The following SLC25A33 variants were observed in gnomAD, a reference collection of about 807,000 sequenced individuals.
SLC25A33 encodes the protein solute carrier family 25 member 33, also known as bone marrow stromal cell mitochondrial carrier protein.
SLC25A33 carries 15 observed loss-of-function variants against 35.5 expected under a neutral mutation model. That is an observed-to-expected ratio of 0.42 (90% CI 0.28 to 0.65). The LOEUF (loss-of-function observed/expected upper bound fraction) is 0.65. SLC25A33 is among the 30% of genes least tolerant of loss of function. SLC25A33 has a pLI of 0.20. For synonymous variants in SLC25A33, 136 were observed against 148.7 expected, an observed-to-expected ratio of 0.91 and a Z score of 0.62; for missense variants, 257 against 398.5, an observed-to-expected ratio of 0.64 and a Z score of 3.02.
At chr1:9,558,441 C>A (rs540508694) in intron 2 of SLC25A33, among the ~76,000 whole-genome samples, 1 of 152,334 alleles carries the variant, frequency 6.6e-6, no homozygotes, top group East Asian at 1.9e-4. Context: ...TAAATACCAT[C>A]TGTAAGCTGG....
chr1:9,539,947 C>A (rs998475709), intron 1 of SLC25A33, among the ~76,000 whole-genome samples, 200 bp downstream of exon 1: 1 of 152,136 alleles, frequency 6.6e-6, no homozygotes, highest in Non-Finnish European at 1.5e-5. Context: ...ACCCCTACGT[C>A]CTGACCGCAG....
At chr1:9,563,745 C>G (rs1356314338) in intron 2 of SLC25A33, among the ~76,000 whole-genome samples, 2 of 151,774 alleles carry the variant, frequency 1.3e-5, no homozygotes, top group African/African-American at 2.4e-5. Flanking sequence ...GAGTCCTGCT[C>G]TGTTGCCCGG....
intron 5 of SLC25A33, among the ~76,000 whole-genome samples, chr1:9,577,278 T>A (rs1643674099): frequency 6.6e-6 from 1 of 152,018 alleles, no homozygotes; most frequent in Non-Finnish European, 1.5e-5. Context: ...GCCAACATGG[T>A]GAAACCCTGT....
At position 9,580,015 on chromosome 1, in the gene SLC25A33, G is replaced by A. The variant is rs1409700515; in HGVS notation, c.544G>A (p.Gly182Ser). 1 of 1,613,374 alleles carries A rather than the reference G, an allele frequency of 6.2e-7. No individual in the cohort carries two copies. The highest frequency in any genetic ancestry group is 8.5e-7 in the Non-Finnish European group (1 of 1,179,742). The change falls in exon 6 of 7, where the codon GGC (glycine) becomes AGC (serine). Residue 182 changes from glycine to serine, a missense_variant. Gly to Ser is a moderately conservative substitution (Grantham distance 56). Transcript: ENST00000302692. ...QCARYVYQTEGIRGFYRGLTA... is the reference protein window; with the variant it reads ...QCARYVYQTESIRGFYRGLTA... The stretch of plus-strand genomic sequence containing the variant: ...TGCTCGTTACGTTTACCAGACCGAA[G>A]GCATTCGTGGCTTCTATAGAGGATT...
chr1:9,573,336 T>G lies in SLC25A33; in HGVS notation c.416-10T>G. 2 of 1,599,410 alleles carry G rather than the reference T, an allele frequency of 1.3e-6. No individual in the cohort carries two copies. The highest frequency in any genetic ancestry group is 1.7e-6 in the Non-Finnish European group (2 of 1,170,986). On this transcript the variant is annotated splice_polypyrimidine_tract_variant and intron_variant, in intron 4 of 6. Transcript: ENST00000302692. ...ACAGTGTTGACCTTTACTGTTTTTT[T>G]TTTTTCCAGCTTTTATCACAAATTC...
chr1:9,575,435 T>C (rs566348695), intron 5 of SLC25A33, among the ~76,000 whole-genome samples: 6 of 150,696 alleles, frequency 4.0e-5, no homozygotes, highest in African/African-American at 1.5e-4. Flanking sequence ...GCCAACATGG[T>C]GAAACCCCGT....
intron 1 of SLC25A33, among the ~76,000 whole-genome samples, chr1:9,547,370 C>T (rs189700509): frequency 6.6e-6 from 1 of 152,086 alleles, no homozygotes; most frequent in East Asian, 1.9e-4. Flanking sequence ...AGGAGAATTG[C>T]TTGAACCCAG....
intron 2 of SLC25A33, among the ~76,000 whole-genome samples, chr1:9,557,911 GAA>G (rs905829229): frequency 8.5e-5 from 13 of 152,206 alleles, no homozygotes; most frequent in African/African-American, 3.1e-4. Flanking sequence ...TCAAAAAAAA[GAA>G]AGATTCTCTC....
At chr1:9,551,807 AG>A (rs1218429746) in intron 1 of SLC25A33, among the ~76,000 whole-genome samples, 3 of 152,166 alleles carry the variant, frequency 2.0e-5, no homozygotes, top group Admixed American at 2.0e-4. Flanking sequence ...CCCTGATGCC[AG>A]GGATGGAAAG....
At position 9,580,022 on chromosome 1, in the gene SLC25A33, G is replaced by T. The variant is rs758554064; in HGVS notation, c.551G>T (p.Arg184Leu). ...ARYVYQTEGIRGFYRGLTASY... is the reference protein window; with the variant it reads ...ARYVYQTEGILGFYRGLTASY... Reference sequence around the variant, plus strand: ...TACGTTTACCAGACCGAAGGCATTCGTGGCTTCTATAGAGGATTAACTGCC... The same window carrying T: ...TACGTTTACCAGACCGAAGGCATTCTTGGCTTCTATAGAGGATTAACTGCC... Residue 184 changes from arginine (R) to leucine (L), a missense_variant, in exon 6 of 7, where the codon CGT (arginine) becomes CTT (leucine). By Grantham distance (102) the Arg-to-Leu change is moderately radical. Transcript: ENST00000302692. 1.2e-6 allele frequency: 2 copies of T among 1,613,346 alleles called. No homozygotes were observed. The highest frequency in any genetic ancestry group is 3.3e-5 in the Admixed American group (2 of 59,856).
rs529344881 is a variant in SLC25A33, at chr1:9,543,877, G to A, written c.56+4130G>A. 8.3e-4 allele frequency among the ~76,000 whole-genome samples: 126 copies of A among 152,226 alleles called. 1 individual carries two copies. Among genetic ancestry groups the A allele is most frequent in the Non-Finnish European group, 1.5e-3 (99 of 68,014 alleles). ...TGCCAGCACTGTGGGAGGCCGAGGC[G>A]GGTGGATCACCTGAGGTCAGGAGTT... On this transcript the variant is annotated intron_variant, in intron 1 of 6. Coordinates refer to ENST00000302692, the MANE Select transcript of SLC25A33 (RefSeq NM_032315.3).
rs1394294950 is a variant in SLC25A33, at chr1:9,578,489, A to T, written c.483-1465A>T. On this transcript the variant is annotated intron_variant, in intron 5 of 6. Coordinates refer to ENST00000302692, the MANE Select transcript of SLC25A33 (RefSeq NM_032315.3). The surrounding 1 kb of genome is among the most constrained non-coding windows in gnomAD (Gnocchi z 4.3). ...TTTTGTCCTGGGGTAGGAGCCTCTA[A>T]ACCTCATGGTTTTCATTTGCTGTTT... Among the ~76,000 whole-genome samples the T allele has an allele frequency of 6.6e-6, 1 of 152,170 alleles. No homozygotes were observed. The highest frequency in any genetic ancestry group is 1.5e-5 in the Non-Finnish European group (1 of 68,038).
Position 9,573,404 on chromosome 1 carries a change from A to G in SLC25A33, c.474A>G (p.Leu158=). The G allele has an allele frequency of 1.2e-6, 2 of 1,611,912 alleles. No individual in the cohort carries two copies. The highest frequency in any genetic ancestry group is 1.7e-6 in the Non-Finnish European group (2 of 1,178,940). ...GGATGGTTAAAACCCGAATGCAGCT[A>G]GAACAGAAGTAAGTTATTATTTGTT... ...PIWMVKTRMQ[L]EQKVRGSKQM... The change falls in exon 5 of 7, where the codon CTA becomes CTG. Residue 158 remains leucine, a synonymous_variant. Coordinates refer to ENST00000302692, the MANE Select transcript of SLC25A33 (RefSeq NM_032315.3).
At chr1:9,570,880 T>C (rs1459775761) in intron 4 of SLC25A33, among the ~76,000 whole-genome samples, 1 of 151,940 alleles carries the variant, frequency 6.6e-6, no homozygotes, top group African/African-American at 2.4e-5. Flanking sequence ...GCCTGGCTAA[T>C]TTTTGCATTT....
intron 4 of SLC25A33, 75 bp from the exon 5 acceptor site, chr1:9,573,271 T>C: frequency 9.3e-7 from 1 of 1,080,368 alleles, no homozygotes; most frequent in Non-Finnish European, 1.3e-6. Flanking sequence ...TCAAAGTTTA[T>C]TATATGATAA....
chr1:9,548,051 T>G (rs1237721519), intron 1 of SLC25A33, among the ~76,000 whole-genome samples: 3 of 151,864 alleles, frequency 2.0e-5, no homozygotes, highest in East Asian at 3.9e-4. Flanking sequence ...ATTTCTGTAG[T>G]TTTTGTAGAG....
intron 5 of SLC25A33, among the ~76,000 whole-genome samples, chr1:9,579,117 C>G (rs552880143): frequency 6.6e-6 from 1 of 152,294 alleles, no homozygotes; most frequent in Admixed American, 6.5e-5. Context: ...GGGAAAAACT[C>G]TCCTCAAACC....
intron 2 of SLC25A33, chr1:9,556,351 C>T: frequency 1.4e-6 from 1 of 702,432 alleles, no homozygotes; most frequent in Non-Finnish European, 1.7e-6. Context: ...GGAACTGTTA[C>T]CCAAAAGTGT....
At chr1:9,548,586 A>G (rs999717078) in intron 1 of SLC25A33, among the ~76,000 whole-genome samples, 16 of 152,236 alleles carry the variant, frequency 1.1e-4, no homozygotes, top group Admixed American at 8.5e-4. Flanking sequence ...TGTCTCAACA[A>G]CAAAAAGCAA....
Sources: allele counts gnomAD v4.1 joint callset (sites outside exome capture counted in the v4.1 genomes callset), GRCh38; gene constraint gnomAD v4.1.1; non-coding constraint Gnocchi (gnomAD v3.1); transcripts MANE v1.5; gene names NCBI Gene and HGNC (gene_info 2026-07-23, HGNC 2026-07-21).